BAHCC1: variants seen among roughly 807,000 people sequenced by gnomAD.
BAHCC1 encodes BAH and coiled-coil domain-containing protein 1.
A neutral mutation model predicts 88.2 loss-of-function variants in BAHCC1; 43 were observed. The ratio of observed to expected loss-of-function variants is 0.49; its 90% CI spans 0.38 to 0.63. BAHCC1 has a LOEUF of 0.63. Ranked by LOEUF, BAHCC1 falls within the 20% of genes least tolerant of loss-of-function variation. The pLI is 0.00. For synonymous variants in BAHCC1, 1,510 were observed against 745.5 expected (o/e 2.03, Z -16.71); for missense variants, 3,023 against 1,654.8 (o/e 1.83, Z -14.34).
intron 18 of BAHCC1, 41 bp from the exon 19 acceptor site, chr17:81,458,580 C>T (rs782071586): frequency 2.8e-6 from 2 of 704,346 alleles, no homozygotes; most frequent in African/African-American, 3.5e-5. Context: ...TGAGGCTGTC[C>T]CACCCTTGAC....
chr17:81,448,716 C>T (rs2064578889), intron 11 of BAHCC1, among the ~76,000 whole-genome samples: 1 of 152,210 alleles, frequency 6.6e-6, no homozygotes, highest in African/African-American at 2.4e-5. Context: ...TCACCCTGTG[C>T]TGGATGAGGC....
chr17:81,445,068 C>T lies in BAHCC1; in HGVS notation c.2725C>T (p.Pro909Ser), dbSNP rs926707150. ...GCCCCCCATGTACGGGGGCCGGGGCCCCGCCTCTCACATGCAGCACCCGGG... is the reference window on the plus strand; with the variant it reads ...GCCCCCCATGTACGGGGGCCGGGGCTCCGCCTCTCACATGCAGCACCCGGG... ...LWPPMYGGRG[P>S]ASHMQHPGQL... Residue 909 changes from proline to serine, a missense_variant, in exon 9 of 28, where the codon CCC (proline) becomes TCC (serine). Pro to Ser is a moderately conservative substitution (Grantham distance 74, BLOSUM62 -1). Transcript: ENST00000675386. 18 of 768,420 alleles carry T rather than the reference C, an allele frequency of 2.3e-5. No individual in the cohort carries two copies. Among genetic ancestry groups the T allele is most frequent in the Non-Finnish European group, 3.6e-5 (15 of 413,950 alleles). The allele number at this position is 768,420 out of a possible 1,614,324, so 47.6% of individuals were successfully genotyped here. A position where few individuals can be genotyped will look rare whatever the true frequency, so the allele number is the denominator to read the frequency against.
In BAHCC1 at chr17:81,460,605, C is replaced by A. The variant is rs782799678; in HGVS notation, c.6101C>A (p.Pro2034Gln). Residue 2034 changes from proline to glutamine, a missense_variant, in exon 25 of 28, where the codon CCG (proline) becomes CAG (glutamine). Coordinates refer to ENST00000675386, the MANE Select transcript of BAHCC1 (RefSeq NM_001377448.1). ...AAGAAGGTATCCAGTGAGGCACCCC[C>A]GCCTAGTGAAGCCGCCACCCCCAGC... Reference protein sequence around the residue: ...RTKKVSSEAPPPSEAATPSLS... With the variant: ...RTKKVSSEAPQPSEAATPSLS... The A allele has an allele frequency of 2.6e-6, 2 of 770,582 alleles. No homozygotes were observed. Among genetic ancestry groups the A allele is most frequent in the Non-Finnish European group, 4.8e-6 (2 of 413,890 alleles). 47.7% of individuals were successfully genotyped at this position (770,582 alleles called of 1,614,324 possible).
chr17:81,430,024 G>A (rs1258524704), intron 3 of BAHCC1, among the ~76,000 whole-genome samples: 4 of 152,212 alleles, frequency 2.6e-5, no homozygotes, highest in Non-Finnish European at 1.5e-5. Flanking sequence ...CCGGCCCGCA[G>A]CTTACCCGAG....
At chr17:81,413,359 CCT>C (rs1459287143) in intron 2 of BAHCC1, among the ~76,000 whole-genome samples, 1 of 152,232 alleles carries the variant, frequency 6.6e-6, no homozygotes, top group Non-Finnish European at 1.5e-5. Flanking sequence ...TCCTTCTCAG[CCT>C]CTGCACCCCC....
rs1230859312 is a variant in BAHCC1, at chr17:81,399,504, C to G, written c.-206-30C>G. The G allele has an allele frequency of 2.9e-5, 9 of 307,764 alleles. No homozygotes were observed. The highest frequency in any genetic ancestry group is 7.5e-5 in the Admixed American group (2 of 26,706). 19.1% of individuals were successfully genotyped at this position (307,764 alleles called of 1,614,324 possible). ...CCGGGCGAGCCGAGCCCCCCAGTCA[C>G]CCGTGTCTCCTCTGCTTTTGCCTCC... On this transcript the variant is annotated intron_variant, in intron 1 of 27. Transcript: ENST00000675386. The surrounding 1 kb of genome is among the most constrained non-coding windows in gnomAD (Gnocchi z 4.5).
chr17:81,459,309 A>G lies in BAHCC1; in HGVS notation c.5777A>G (p.Glu1926Gly). 2.6e-6 allele frequency: 2 copies of G among 779,128 alleles called. No homozygotes were observed. Among genetic ancestry groups the G allele is most frequent in the South Asian group, 1.3e-5 (1 of 74,574 alleles). The allele number at this position is 779,128 out of a possible 1,614,324, so 48.3% of individuals were successfully genotyped here. A position where few individuals can be genotyped will look rare whatever the true frequency, so the allele number is the denominator to read the frequency against. The change falls in exon 22 of 28, where the codon GAG (glutamate) becomes GGG (glycine). Residue 1926 changes from glutamate (E) to glycine (G), a missense_variant. Coordinates refer to ENST00000675386, the MANE Select transcript of BAHCC1 (RefSeq NM_001377448.1). ...AACCGGCAGAGGATCTACTCACTGG[A>G]GCAGCTGCTGCAGGAAGCGGTGAGG... ...RGNRQRIYSLEQLLQEAVLDV... is the reference protein window; with the variant it reads ...RGNRQRIYSLGQLLQEAVLDV...
chr17:81,419,788 C>CTTTTTTTTTTTTTTTTTTTTTTTTT lies in BAHCC1; in HGVS notation c.179-7012_179-7011insTTTTTTTTTTTTTTTTTTTTTTTTT, dbSNP rs781909536. Among the ~76,000 whole-genome samples the CTTTTTTTTTTTTTTTTTTTTTTTTT allele has an allele frequency of 2.0e-5, 2 of 102,310 alleles. 1 individual carries two copies. 67.1% of individuals were successfully genotyped at this position (102,310 alleles called of 152,430 possible). ...TGGAGCTGCCGCCATCTCAACGAGG[C>CTTTTTTTTTTTTTTTTTTTTTTTTT]GTTTTTTTTTTTTTTTTTTTTTACA... On this transcript the variant is annotated intron_variant, in intron 2 of 27. Transcript: ENST00000675386.
In BAHCC1 at chr17:81,442,479, G is replaced by A. The variant is rs1555652841; in HGVS notation, c.1130G>A (p.Cys377Tyr). 1.4e-6 allele frequency: 1 copy of A among 724,070 alleles called. No homozygotes were observed. Among genetic ancestry groups the A allele is most frequent in the Non-Finnish European group, 2.6e-6 (1 of 390,478 alleles). 44.9% of individuals were successfully genotyped at this position (724,070 alleles called of 1,614,324 possible). A position where few individuals can be genotyped will look rare whatever the true frequency, so the allele number is the denominator to read the frequency against. The part of the protein sequence containing the change: ...LQLHGGPDGL[C>Y]PLQDKAPRDL... ...CTGCACGGGGGCCCTGACGGGCTCT[G>A]CCCGCTGCAGGACAAAGCCCCCCGG... The change falls in exon 5 of 28, where the codon TGC becomes TAC. Residue 377 changes from cysteine to tyrosine, a missense_variant. By Grantham distance (194) the Cys-to-Tyr change is radical. Coordinates refer to ENST00000675386, the MANE Select transcript of BAHCC1 (RefSeq NM_001377448.1).
At chr17:81,453,148 C>T (rs2064676304) in intron 14 of BAHCC1, among the ~76,000 whole-genome samples, 1 of 152,248 alleles carries the variant, frequency 6.6e-6, no homozygotes, top group African/African-American at 2.4e-5. Context: ...GCTGTGGCAT[C>T]GTCCCCGCCC....
In BAHCC1 at chr17:81,461,338, G is replaced by A. The variant is rs782003601; in HGVS notation, c.6675G>A (p.Ala2225=). ...CCCCCAAGAACAAGACCTGCAAGGCGTTGCTCATGGGGGACAAGGACTTCA... is the reference window on the plus strand; with the variant it reads ...CCCCCAAGAACAAGACCTGCAAGGCATTGCTCATGGGGGACAAGGACTTCA... The part of the protein sequence containing the change: ...VTSPKNKTCK[A]LLMGDKDFSP... The change falls in exon 26 of 28, where the codon GCG becomes GCA. Residue 2225 remains alanine, a synonymous_variant. Transcript: ENST00000675386. The A allele has an allele frequency of 1.9e-5, 14 of 733,060 alleles. No individual in the cohort carries two copies. The highest frequency in any genetic ancestry group is 7.4e-5 in the South Asian group (5 of 67,966). 45.4% of individuals were successfully genotyped at this position (733,060 alleles called of 1,614,324 possible).
intron 10 of BAHCC1, among the ~76,000 whole-genome samples, chr17:81,446,229 A>G (rs1303772699): frequency 6.6e-6 from 1 of 152,098 alleles, no homozygotes; most frequent in Non-Finnish European, 1.5e-5. Flanking sequence ...CTAGTTTCAC[A>G]GTCAGGAGAT....
chr17:81,462,504 T>C (rs886131541), intron 26 of BAHCC1: 2 of 549,892 alleles, frequency 3.6e-6, no homozygotes, highest in Admixed American at 3.5e-5. Context: ...CCAGATCCAG[T>C]GTCCAGACGT....
intron 4 of BAHCC1, among the ~76,000 whole-genome samples, chr17:81,439,234 T>TC (rs578137814): frequency 1.3e-5 from 2 of 152,304 alleles, no homozygotes; most frequent in African/African-American, 4.8e-5. Flanking sequence ...GGGCGACATC[T>TC]CATTTGCATT....
chr17:81,418,880 C>T (rs2064077660), intron 2 of BAHCC1, among the ~76,000 whole-genome samples: 1 of 151,142 alleles, frequency 6.6e-6, no homozygotes, highest in Admixed American at 6.6e-5. Context: ...GTGTGTACAC[C>T]CATAGTCACG....
Position 81,462,194 on chromosome 17 carries a change from AC to A in BAHCC1, c.7383+151del. ...TGGAAAACTCAAGGGAAGAACAAAG[AC>A]CCATCCATGACCCAGTGAGGCAGCC... On this transcript the variant is annotated intron_variant, in intron 26 of 27. Transcript: ENST00000675386. The A allele has an allele frequency of 5.1e-6, 3 of 592,344 alleles. No homozygotes were observed. In the South Asian group the frequency reaches 6.1e-5, roughly 12 times the overall value. The allele number at this position is 592,344 out of a possible 1,614,324, so 36.7% of individuals were successfully genotyped here. A position where few individuals can be genotyped will look rare whatever the true frequency, so the allele number is the denominator to read the frequency against.
intron 2 of BAHCC1, among the ~76,000 whole-genome samples, 158 bp from the exon 3 acceptor site, chr17:81,426,642 T>C (rs2064203582): frequency 1.3e-5 from 2 of 151,892 alleles, no homozygotes; most frequent in African/African-American, 4.8e-5. Context: ...GGGTAACCTT[T>C]CCCATCATCG....
At chr17:81,446,675 T>C (rs1786519091) in intron 10 of BAHCC1, 2 of 409,378 alleles carry the variant, frequency 4.9e-6, no homozygotes, top group Non-Finnish European at 1.0e-5. Flanking sequence ...CAGCCTCCTG[T>C]GTAGCTTGGA....
At chr17:81,429,893 G>C (rs900379060) in intron 3 of BAHCC1, among the ~76,000 whole-genome samples, 1 of 152,128 alleles carries the variant, frequency 6.6e-6, no homozygotes, top group African/African-American at 2.4e-5. Flanking sequence ...GCAGCCCCTC[G>C]AGCGGGCCAG....
Sources: allele counts gnomAD v4.1 joint callset (sites outside exome capture counted in the v4.1 genomes callset), GRCh38; gene constraint gnomAD v4.1.1; non-coding constraint Gnocchi (gnomAD v3.1); transcripts MANE v1.5; gene names NCBI Gene and HGNC (gene_info 2026-07-23, HGNC 2026-07-21).